Variants in RBFOX1 observed in about 807,000 individuals in gnomAD.
RBFOX1 encodes the protein RNA binding protein fox-1 homolog 1.
A neutral mutation model predicts 57.7 loss-of-function variants in RBFOX1; 8 were observed. The observed-to-expected ratio is 0.14, with a 90% CI of 0.08 to 0.25. RBFOX1 has a LOEUF of 0.25. RBFOX1 is among the 10% of genes least tolerant of loss of function. RBFOX1 has a pLI of 1.00. For synonymous variants in RBFOX1, 326 were observed against 222.4 expected (o/e 1.47, Z -4.15); for missense variants, 611 against 548.5 (o/e 1.11, Z -1.14).
intron 4 of RBFOX1, among the ~76,000 whole-genome samples, chr16:7,178,092 G>C (rs1203919240): frequency 6.6e-6 from 1 of 152,206 alleles, no homozygotes; most frequent in Admixed American, 6.5e-5. Context: ...ATATGCTGCT[G>C]TTACAAATAA....
intron 4 of RBFOX1, among the ~76,000 whole-genome samples, chr16:7,485,624 A>G (rs2065172198): frequency 6.6e-6 from 1 of 152,236 alleles, no homozygotes; most frequent in Non-Finnish European, 1.5e-5. Context: ...GATTATAAAG[A>G]GAGGTTTTAA....
At chr16:7,193,381 A>G (rs2085900352) in intron 4 of RBFOX1, among the ~76,000 whole-genome samples, 1 of 152,228 alleles carries the variant, frequency 6.6e-6, no homozygotes, top group African/African-American at 2.4e-5. Context: ...CAAACTCCTT[A>G]ATTGTAGCTG....
At chr16:7,179,923 A>G (rs1465843314) in intron 4 of RBFOX1, among the ~76,000 whole-genome samples, 2 of 147,952 alleles carry the variant, frequency 1.4e-5, no homozygotes, top group East Asian at 2.0e-4. Flanking sequence ...TTTTTTTTTT[A>G]GTAGAGATGG....
intron 3 of RBFOX1, among the ~76,000 whole-genome samples, chr16:6,771,505 G>C (rs1318998770): frequency 1.3e-5 from 2 of 151,990 alleles, no homozygotes; most frequent in Non-Finnish European, 2.9e-5. Flanking sequence ...AGCAGTCCTA[G>C]CAAACCCTAG....
At chr16:6,407,641 G>C (rs1806841407) in intron 2 of RBFOX1, among the ~76,000 whole-genome samples, 1 of 151,298 alleles carries the variant, frequency 6.6e-6, no homozygotes, top group Admixed American at 6.6e-5. Flanking sequence ...AATCAAGGCA[G>C]CATGGTTTTG....
chr16:6,967,282 C>G (rs111703386), intron 3 of RBFOX1, among the ~76,000 whole-genome samples: 1 of 149,916 alleles, frequency 6.7e-6, no homozygotes, highest in African/African-American at 2.5e-5. Flanking sequence ...TTTCATCATC[C>G]ATTATCCATC....
intron 1 of RBFOX1, among the ~76,000 whole-genome samples, chr16:5,395,459 G>T (rs905036828): frequency 6.6e-6 from 1 of 152,236 alleles, no homozygotes; most frequent in African/African-American, 2.4e-5. Context: ...GAGTTCTTCA[G>T]ACTTGGCTTC....
intron 4 of RBFOX1, among the ~76,000 whole-genome samples, chr16:7,334,477 C>T (rs1163945283): frequency 6.6e-6 from 1 of 152,072 alleles, no homozygotes; most frequent in African/African-American, 2.4e-5. Flanking sequence ...AGACCCTCTG[C>T]CGACCCATCT....
intron 4 of RBFOX1, among the ~76,000 whole-genome samples, chr16:7,270,642 G>GT (rs1421830664): frequency 6.6e-6 from 1 of 152,142 alleles, no homozygotes; most frequent in African/African-American, 2.4e-5. Flanking sequence ...TACTAAATCA[G>GT]TTGCTATTAG....
At chr16:6,804,399 G>T (rs890021289) in intron 3 of RBFOX1, among the ~76,000 whole-genome samples, 2 of 152,088 alleles carry the variant, frequency 1.3e-5, no homozygotes, top group East Asian at 3.9e-4. Context: ...GCCCCATCTA[G>T]CCCTGCAGTA....
At chr16:7,556,306 G>T (rs2088459528) in intron 5 of RBFOX1, among the ~76,000 whole-genome samples, 1 of 152,164 alleles carries the variant, frequency 6.6e-6, no homozygotes, top group South Asian at 2.1e-4. Flanking sequence ...ACACCAGATT[G>T]TCTGCTAGAT....
chr16:7,528,242 C>T (rs147349004), intron 5 of RBFOX1, among the ~76,000 whole-genome samples: 2 of 152,318 alleles, frequency 1.3e-5, no homozygotes, highest in East Asian at 1.9e-4. Flanking sequence ...CAAGTTTCAT[C>T]GTGACTTTGT....
chr16:7,371,024 T>G (rs1343212030), intron 4 of RBFOX1, among the ~76,000 whole-genome samples: 1 of 152,198 alleles, frequency 6.6e-6, no homozygotes, highest in African/African-American at 2.4e-5. Flanking sequence ...TGGATGTGTC[T>G]GTATTTTTGA....
chr16:5,803,572 A>G (rs1453796532), intron 3 of RBFOX1, among the ~76,000 whole-genome samples: 1 of 152,200 alleles, frequency 6.6e-6, no homozygotes, highest in Admixed American at 6.5e-5. Context: ...CCTGTCATTC[A>G]TTCTCTCACT....
At chr16:7,339,788 A>G (rs1245712996) in intron 4 of RBFOX1, among the ~76,000 whole-genome samples, 1 of 152,150 alleles carries the variant, frequency 6.6e-6, no homozygotes, top group East Asian at 1.9e-4. Flanking sequence ...AGAAAATTCT[A>G]AGTCCTATTG....
intron 3 of RBFOX1, among the ~76,000 whole-genome samples, chr16:6,699,203 G>A (rs1386729224): frequency 3.9e-5 from 6 of 151,992 alleles, no homozygotes; most frequent in Admixed American, 1.3e-4. Flanking sequence ...ATGCAAGGCA[G>A]CATATGGACT....
chr16:5,269,569 ATGGG>A (rs2062952850), intron 1 of RBFOX1, among the ~76,000 whole-genome samples: 1 of 141,448 alleles, frequency 7.1e-6, no homozygotes, highest in Non-Finnish European at 1.6e-5. Context: ...ATGCTACAGC[ATGGG>A]TGAACCTTCA....
At chr16:6,203,022 T>C (rs559998664) in intron 1 of RBFOX1, among the ~76,000 whole-genome samples, 27 of 152,188 alleles carry the variant, frequency 1.8e-4, no homozygotes, top group African/African-American at 6.3e-4. Context: ...GTGATCCTCC[T>C]GCTTCAGCTT....
At chr16:6,604,445 G>A (rs978342505) in intron 2 of RBFOX1, among the ~76,000 whole-genome samples, 3 of 152,044 alleles carry the variant, frequency 2.0e-5, no homozygotes, top group Non-Finnish European at 4.4e-5. Context: ...CTGAATAGCT[G>A]TGCATTCTTG....
Sources: gnomAD v4.1 joint callset for allele counts (sites outside exome capture counted in the v4.1 genomes callset) on GRCh38, gnomAD v4.1.1 for gene constraint, MANE v1.5 for transcripts, NCBI Gene and HGNC (gene_info 2026-07-23, HGNC 2026-07-21) for gene names.